TANC2: variants seen among roughly 807,000 people sequenced by gnomAD.
TANC2 encodes protein TANC2.
Under a neutral mutation model 210.5 loss-of-function variants are expected in TANC2, and 26 were observed. That is an observed-to-expected ratio of 0.12 (90% CI 0.09 to 0.17). The LOEUF (loss-of-function observed/expected upper bound fraction) is 0.17, where lower values mean the gene tolerates loss of function less well. TANC2 is among the 10% of genes least tolerant of loss of function. The probability of loss-of-function intolerance (pLI) is 1.00; values close to 1 mark genes in which losing one functional copy is unlikely to be tolerated. For synonymous variants in TANC2, 931 were observed against 967.1 expected (o/e 0.96, Z 0.69); for missense variants, 2,129 against 2,608.9 (o/e 0.82, Z 4.01).
intron 2 of TANC2, among the ~76,000 whole-genome samples, chr17:63,012,482 G>A (rs1479607501): frequency 1.3e-5 from 2 of 152,046 alleles, no homozygotes. Flanking sequence ...CAATGCAAGA[G>A]CTTTAGATTC....
At chr17:63,055,976 AAAAAAAAAAAAAAAAT>A (rs1281977194) in intron 2 of TANC2, among the ~76,000 whole-genome samples, 3 of 35,638 alleles carry the variant, frequency 8.4e-5, no homozygotes, top group Non-Finnish European at 1.4e-4. Flanking sequence ...AAAAAAAAAA[AAAAAAAAAAAAAAAAT>A]ATATATATAT....
At chr17:63,104,737 G>A (rs186862626) in intron 4 of TANC2, among the ~76,000 whole-genome samples, 1 of 152,290 alleles carries the variant, frequency 6.6e-6, no homozygotes, top group East Asian at 1.9e-4. Context: ...TCGGAAGTGG[G>A]AGAGGGATGA....
intron 15 of TANC2, chr17:63,381,574 TC>T (rs1359242121): frequency 1.3e-5 from 2 of 152,228 alleles, no homozygotes; most frequent in Non-Finnish European, 2.9e-5. Context: ...TGACACACAA[TC>T]CAATGGGTAC....
chr17:63,056,012 T>A (rs2035789968), intron 2 of TANC2, among the ~76,000 whole-genome samples: 1 of 85,956 alleles, frequency 1.2e-5, no homozygotes, highest in Non-Finnish European at 2.4e-5. Flanking sequence ...TATATATATA[T>A]ATATATATAT....
chr17:63,386,955 C>T (rs1316348842), intron 15 of TANC2, among the ~76,000 whole-genome samples: 1 of 151,994 alleles, frequency 6.6e-6, no homozygotes, highest in African/African-American at 2.4e-5. Context: ...CGGGCTCAAG[C>T]GATCCTCCCA....
intron 8 of TANC2, among the ~76,000 whole-genome samples, chr17:63,252,556 C>T (rs1002766839): frequency 2.0e-5 from 3 of 152,062 alleles, no homozygotes; most frequent in African/African-American, 7.2e-5. Context: ...CCTTCCCAGC[C>T]TCTGGTAACC....
intron 14 of TANC2, among the ~76,000 whole-genome samples, chr17:63,377,400 C>G (rs1036037109): frequency 6.6e-6 from 1 of 152,210 alleles, no homozygotes; most frequent in African/African-American, 2.4e-5. Context: ...ATTTCTTCCA[C>G]TAGATACCCT....
Position 63,391,927 on chromosome 17 carries a change from A to G in TANC2, c.3051+2383A>G, listed in dbSNP as rs192739294. ...TTTTTAGTAGAGATGGGGTTTCACC[A>G]TGTTGGCCAGGCTGGTCTTGAACTC... is the stretch of plus-strand genomic sequence containing the variant. On this transcript the variant is annotated intron_variant, in intron 17 of 27. Transcript: ENST00000689528. Among the ~76,000 whole-genome samples the G allele has an allele frequency of 2.1e-3, 327 of 152,104 alleles. 1 individual carries two copies. The highest frequency in any genetic ancestry group is 7.2e-3 in the African/African-American group (298 of 41,478).
intron 11 of TANC2, among the ~76,000 whole-genome samples, chr17:63,335,545 G>A (rs186514946): frequency 3.3e-5 from 5 of 151,788 alleles, no homozygotes; most frequent in South Asian, 4.2e-4. Context: ...CCTGGGAGGC[G>A]GAGGTTGCAG....
chr17:63,114,631 C>T (rs1363039505), intron 4 of TANC2, among the ~76,000 whole-genome samples: 4 of 152,038 alleles, frequency 2.6e-5, no homozygotes, highest in African/African-American at 4.8e-5. Flanking sequence ...ATAGAGATTT[C>T]GTATGTACAT....
intron 9 of TANC2, among the ~76,000 whole-genome samples, chr17:63,298,178 T>G (rs988043597): frequency 3.3e-5 from 5 of 152,212 alleles, no homozygotes; most frequent in African/African-American, 1.2e-4. Context: ...AGAATTGCTA[T>G]ATGATCCAGT....
intron 2 of TANC2, among the ~76,000 whole-genome samples, chr17:63,054,064 G>C (rs2035679517): frequency 6.6e-6 from 1 of 152,170 alleles, no homozygotes; most frequent in Non-Finnish European, 1.5e-5. Flanking sequence ...TTTGATTTTA[G>C]TATTGCTACT....
intron 1 of TANC2, among the ~76,000 whole-genome samples, chr17:63,003,990 C>G (rs181547758): frequency 6.6e-6 from 1 of 152,212 alleles, no homozygotes; most frequent in East Asian, 1.9e-4. Flanking sequence ...CAATCATTAA[C>G]AGTGTACAAC....
chr17:63,319,730 G>A lies in TANC2; in HGVS notation c.1575+640G>A, dbSNP rs776508472. 1.4e-4 allele frequency among the ~76,000 whole-genome samples: 22 copies of A among 152,188 alleles called. No individual in the cohort carries two copies. The East Asian group carries it at 2.3e-3, about 16-fold the overall frequency. On this transcript the variant is annotated intron_variant, in intron 11 of 27. Transcript: ENST00000689528. ...TTTCATTCCTAGCTTAAAACTCTTC[G>A]TGCTATACTACCCTGTCCATAATAT...
chr17:63,289,933 T>C (rs925578603), intron 9 of TANC2, among the ~76,000 whole-genome samples: 7 of 149,102 alleles, frequency 4.7e-5, no homozygotes, highest in African/African-American at 1.8e-4. Context: ...TCCTCAGGTA[T>C]TGTTTTCCTT....
Position 63,075,460 on chromosome 17 carries a change from A to C in TANC2, c.139+1446A>C, listed in dbSNP as rs542871043. On this transcript the variant is annotated intron_variant, in intron 3 of 27. Coordinates refer to ENST00000689528, the Ensembl canonical transcript of TANC2. Reference sequence around the variant, plus strand: ...AGGAATTGTATCATTGTTAGAGTTAATTGATAGTAAAAGCATGTTTCTTAA... The same window carrying C: ...AGGAATTGTATCATTGTTAGAGTTACTTGATAGTAAAAGCATGTTTCTTAA... 1.3e-3 allele frequency among the ~76,000 whole-genome samples: 201 copies of C among 152,322 alleles called. 2 individuals carry two copies. The highest frequency in any genetic ancestry group is 4.5e-3 in the African/African-American group (188 of 41,572).
chr17:63,053,264 C>G (rs1379869892), intron 2 of TANC2, among the ~76,000 whole-genome samples: 1 of 152,212 alleles, frequency 6.6e-6, no homozygotes. Flanking sequence ...TCCGGAAGTT[C>G]TTTCTAATCT....
chr17:63,317,856 T>A (rs190833120), intron 10 of TANC2, among the ~76,000 whole-genome samples: 1 of 152,344 alleles, frequency 6.6e-6, no homozygotes, highest in Admixed American at 6.5e-5. Context: ...CAGAGGGCAT[T>A]TGGACAGTAA....
Position 63,406,149 on chromosome 17 carries a change from T to G in TANC2, c.3466-5T>G. On this transcript the variant is annotated splice_region_variant and splice_polypyrimidine_tract_variant and intron_variant, in intron 20 of 27. Transcript: ENST00000689528. Reference sequence around the variant, plus strand: ...TAATTGGTCCCTGTTTCTCTGCACTTGCAGATTGTTGATCTTTTACTCACC... The same window carrying G: ...TAATTGGTCCCTGTTTCTCTGCACTGGCAGATTGTTGATCTTTTACTCACC... 6.2e-7 allele frequency: 1 copy of G among 1,613,734 alleles called. No homozygotes were observed. The highest frequency in any genetic ancestry group is 1.1e-5 in the South Asian group (1 of 91,076).
Sources: allele counts gnomAD v4.1 joint callset (sites outside exome capture counted in the v4.1 genomes callset), GRCh38; gene constraint gnomAD v4.1.1; transcripts MANE v1.5; gene names NCBI Gene and HGNC (gene_info 2026-07-23, HGNC 2026-07-21).